GPC5: variants seen among roughly 807,000 people sequenced by gnomAD.
GPC5 encodes the protein glypican 5.
A neutral mutation model predicts 53.9 loss-of-function variants in GPC5; 47 were observed. The ratio of observed to expected loss-of-function variants is 0.87; its 90% CI spans 0.69 to 1.11. The LOEUF (loss-of-function observed/expected upper bound fraction) is 1.11. GPC5 is among the 50% of genes most tolerant of loss of function. The pLI is 0.00. For synonymous variants in GPC5, 286 were observed against 263.3 expected (o/e 1.09, Z -0.84); for missense variants, 748 against 713.1 (o/e 1.05, Z -0.56).
intron 6 of GPC5, among the ~76,000 whole-genome samples, chr13:92,047,240 A>G (rs1191892587): frequency 6.6e-6 from 1 of 152,068 alleles, no homozygotes; most frequent in Non-Finnish European, 1.5e-5. Context: ...CATTTTTTTT[A>G]TAACAAAATA....
intron 5 of GPC5, among the ~76,000 whole-genome samples, chr13:91,811,484 G>T (rs2038311209): frequency 6.6e-6 from 1 of 152,092 alleles, no homozygotes; most frequent in African/African-American, 2.4e-5. Context: ...AAATAATTGT[G>T]TAGAGACAAT....
chr13:91,587,896 C>A (rs1249563568), intron 2 of GPC5, among the ~76,000 whole-genome samples: 1 of 152,118 alleles, frequency 6.6e-6, no homozygotes, highest in Non-Finnish European at 1.5e-5. Flanking sequence ...TATCAAATGT[C>A]TCCTGCATTG....
At chr13:91,803,340 A>G (rs1430360740) in intron 5 of GPC5, among the ~76,000 whole-genome samples, 1 of 152,198 alleles carries the variant, frequency 6.6e-6, no homozygotes, top group Admixed American at 6.5e-5. Context: ...TTGTATTTTA[A>G]TATTTTTGTA....
chr13:91,765,690 C>T (rs1255545387), intron 5 of GPC5, among the ~76,000 whole-genome samples: 4 of 152,168 alleles, frequency 2.6e-5, no homozygotes, highest in Admixed American at 2.6e-4. Flanking sequence ...AAGAAGTGTA[C>T]AATCCCACAG....
chr13:92,026,459 T>TC (rs891371930), intron 6 of GPC5, among the ~76,000 whole-genome samples: 3 of 151,074 alleles, frequency 2.0e-5, no homozygotes, highest in Non-Finnish European at 3.0e-5. Context: ...TTTTCTTTTT[T>TC]TTTTTTGTAC....
chr13:91,952,994 A>G (rs915655389), intron 6 of GPC5, among the ~76,000 whole-genome samples: 1 of 152,224 alleles, frequency 6.6e-6, no homozygotes, highest in Non-Finnish European at 1.5e-5. Context: ...GCTTAATTCA[A>G]CAAAAAGATA....
At chr13:91,730,382 GC>G (rs2036671024) in intron 4 of GPC5, among the ~76,000 whole-genome samples, 1 of 152,142 alleles carries the variant, frequency 6.6e-6, no homozygotes, top group East Asian at 1.9e-4. Flanking sequence ...CTTCTCGTGT[GC>G]CTTGTTCTTT....
chr13:91,683,906 G>A (rs1319878572), intron 2 of GPC5, among the ~76,000 whole-genome samples: 1 of 152,190 alleles, frequency 6.6e-6, no homozygotes, highest in Non-Finnish European at 1.5e-5. Context: ...TTTGCAAGAA[G>A]TTGTCCATAA....
intron 4 of GPC5, among the ~76,000 whole-genome samples, chr13:91,736,324 TA>T (rs1342315965): frequency 6.6e-6 from 1 of 151,490 alleles, no homozygotes; most frequent in Non-Finnish European, 1.5e-5. Flanking sequence ...ACAATTATTT[TA>T]AAGTTTAGAT....
At chr13:92,147,653 C>T (rs966215967) in intron 7 of GPC5, among the ~76,000 whole-genome samples, 5 of 152,032 alleles carry the variant, frequency 3.3e-5, no homozygotes, top group African/African-American at 1.2e-4. Context: ...GTACAAGCAG[C>T]TACCCATCAG....
chr13:91,656,097 C>T (rs528502513), intron 2 of GPC5, among the ~76,000 whole-genome samples: 2 of 152,258 alleles, frequency 1.3e-5, no homozygotes, highest in African/African-American at 4.8e-5. Flanking sequence ...TTGCCTAATT[C>T]TCACTACTTT....
At chr13:92,069,598 GT>G (rs2041194843) in intron 6 of GPC5, among the ~76,000 whole-genome samples, 1 of 151,904 alleles carries the variant, frequency 6.6e-6, no homozygotes, top group African/African-American at 2.4e-5. Context: ...ATAAAAGGTG[GT>G]ACTACTATTG....
At chr13:91,583,936 G>T (rs1472661237) in intron 2 of GPC5, among the ~76,000 whole-genome samples, 1 of 152,122 alleles carries the variant, frequency 6.6e-6, no homozygotes, top group African/African-American at 2.4e-5. Flanking sequence ...CCCCAAATTT[G>T]TATGTAATCC....
At position 92,575,435 on chromosome 13, in the gene GPC5, G is replaced by A. The variant is rs1317128726; in HGVS notation, c.1562-290847G>A. Among the ~76,000 whole-genome samples, 3 of 152,260 alleles carry A rather than the reference G, an allele frequency of 2.0e-5. No homozygotes were observed. The East Asian group carries it at 5.8e-4, about 29-fold the overall frequency. ...AGCCACAAGCGAGAGAACATTTTCA[G>A]ACACTAGAAACTGGAAGAGGCTGGG... On this transcript the variant is annotated intron_variant, in intron 7 of 7. Coordinates refer to ENST00000377067, the MANE Select transcript of GPC5 (RefSeq NM_004466.6).
chr13:92,811,429 G>GA (rs1566428653), intron 7 of GPC5, among the ~76,000 whole-genome samples: 1 of 151,048 alleles, frequency 6.6e-6, no homozygotes, highest in African/African-American at 2.4e-5. Flanking sequence ...GTATTTTTTT[G>GA]AAAAAACATT....
At chr13:91,672,917 A>C (rs1177122011) in intron 2 of GPC5, among the ~76,000 whole-genome samples, 1 of 152,204 alleles carries the variant, frequency 6.6e-6, no homozygotes, top group African/African-American at 2.4e-5. Flanking sequence ...AAGGAATCAA[A>C]TCATGTCATT....
chr13:92,015,971 C>T (rs1009598480), intron 6 of GPC5, among the ~76,000 whole-genome samples: 4 of 152,216 alleles, frequency 2.6e-5, no homozygotes, highest in African/African-American at 9.6e-5. Flanking sequence ...TGCATTTCTT[C>T]ATGCAGTAAT....
intron 7 of GPC5, among the ~76,000 whole-genome samples, chr13:92,354,189 A>G (rs975299237): frequency 6.6e-6 from 1 of 152,216 alleles, no homozygotes; most frequent in East Asian, 1.9e-4. Context: ...TTTGCTCTAT[A>G]ACTTGACAAG....
intron 2 of GPC5, among the ~76,000 whole-genome samples, chr13:91,454,572 A>T (rs1431902676): frequency 5.3e-5 from 8 of 152,088 alleles, no homozygotes. Flanking sequence ...GATATTTATC[A>T]TTTTGCTATT....
Sources: gnomAD v4.1 joint callset for allele counts (sites outside exome capture counted in the v4.1 genomes callset) on GRCh38, gnomAD v4.1.1 for gene constraint, MANE v1.5 for transcripts, NCBI Gene and HGNC (gene_info 2026-07-23, HGNC 2026-07-21) for gene names.